Variants in EHBP1 observed in about 807,000 individuals in gnomAD.
EHBP1 encodes the protein EH domain-binding protein 1.
Under a neutral mutation model 144.0 loss-of-function variants are expected in EHBP1, and 55 were observed. The observed-to-expected ratio is 0.38, with a 90% CI of 0.31 to 0.48. The LOEUF (loss-of-function observed/expected upper bound fraction) is 0.48, where lower values mean the gene tolerates loss of function less well. EHBP1 is among the 20% of genes least tolerant of loss of function. The probability of loss-of-function intolerance (pLI) is 0.98; values close to 1 mark genes in which losing one functional copy is unlikely to be tolerated. For missense variants in EHBP1, 1,200 were observed against 1,364.2 expected (o/e 0.88, Z 1.90); for synonymous variants, 469 against 472.7 (o/e 0.99, Z 0.10).
intron 10 of EHBP1, among the ~76,000 whole-genome samples, chr2:62,918,697 T>C (rs2054833077): frequency 6.6e-6 from 1 of 152,208 alleles, no homozygotes; most frequent in Non-Finnish European, 1.5e-5. Flanking sequence ...AAAGCTAAAG[T>C]TGGTTGATTT....
chr2:62,708,736 T>C (rs1460136599), intron 2 of EHBP1, among the ~76,000 whole-genome samples: 1 of 152,096 alleles, frequency 6.6e-6, no homozygotes, highest in Non-Finnish European at 1.5e-5. Context: ...CTGAGCTGGG[T>C]TTTGAAAGAT....
chr2:62,745,328 T>A (rs1208853550), intron 2 of EHBP1, among the ~76,000 whole-genome samples: 1 of 151,380 alleles, frequency 6.6e-6, no homozygotes, highest in African/African-American at 2.4e-5. Context: ...AGAAAATAGG[T>A]GTGTCTAGGT....
intron 19 of EHBP1, among the ~76,000 whole-genome samples, chr2:63,026,921 A>C (rs13004408): frequency 0.028 from 4,243 of 152,350 alleles, 78 homozygotes; most frequent in South Asian, 0.044. Context: ...AGTGAACAGC[A>C]TGAGGGTTTT....
At chr2:62,834,938 G>A (rs997486506) in intron 7 of EHBP1, among the ~76,000 whole-genome samples, 3 of 152,170 alleles carry the variant, frequency 2.0e-5, no homozygotes, top group African/African-American at 7.2e-5. Context: ...AGGGATGACT[G>A]TATATGTATC....
At chr2:62,691,967 G>A (rs186450939) in intron 1 of EHBP1, among the ~76,000 whole-genome samples, 2 of 152,098 alleles carry the variant, frequency 1.3e-5, no homozygotes, top group East Asian at 3.9e-4. Context: ...GTGGTTTTTA[G>A]TATGTTCAGA....
At chr2:62,906,955 G>T (rs1032489081) in intron 10 of EHBP1, among the ~76,000 whole-genome samples, 1 of 152,076 alleles carries the variant, frequency 6.6e-6, no homozygotes, top group Non-Finnish European at 1.5e-5. Context: ...GATTCATCTG[G>T]GTTTCGCATG....
intron 3 of EHBP1, among the ~76,000 whole-genome samples, chr2:62,754,054 A>AG (rs2040023331): frequency 6.6e-6 from 1 of 152,030 alleles, no homozygotes; most frequent in South Asian, 2.1e-4. Flanking sequence ...GTTCCTTTGG[A>AG]GGGGGAGAGG....
chr2:62,761,599 T>A (rs1302108085), intron 3 of EHBP1, among the ~76,000 whole-genome samples: 2 of 152,190 alleles, frequency 1.3e-5, no homozygotes, highest in Non-Finnish European at 2.9e-5. Flanking sequence ...CCCTCAGTTT[T>A]TCAATCTGTT....
At chr2:62,876,497 C>T (rs1041554937) in intron 10 of EHBP1, among the ~76,000 whole-genome samples, 17 of 152,046 alleles carry the variant, frequency 1.1e-4, no homozygotes, top group African/African-American at 4.1e-4. Flanking sequence ...ACATAGAAAC[C>T]AAAGATAATT....
At chr2:62,881,030 A>G (rs913316723) in intron 10 of EHBP1, among the ~76,000 whole-genome samples, 4 of 151,968 alleles carry the variant, frequency 2.6e-5, no homozygotes, top group African/African-American at 9.7e-5. Context: ...AATGTGGTAT[A>G]TATATATACA....
chr2:62,872,549 A>G (rs1323648398), intron 9 of EHBP1, among the ~76,000 whole-genome samples: 1 of 152,172 alleles, frequency 6.6e-6, no homozygotes, highest in Admixed American at 6.5e-5. Context: ...CTATCTCTGT[A>G]CAGCCACTAT....
intron 2 of EHBP1, among the ~76,000 whole-genome samples, chr2:62,722,204 T>C (rs924893969): frequency 6.6e-6 from 1 of 152,126 alleles, no homozygotes; most frequent in African/African-American, 2.4e-5. Context: ...TGATCTTGGC[T>C]CACTGCAACC....
chr2:62,840,762 G>A (rs2047762493), intron 7 of EHBP1, among the ~76,000 whole-genome samples: 1 of 151,622 alleles, frequency 6.6e-6, no homozygotes, highest in Non-Finnish European at 1.5e-5. Flanking sequence ...CTGGCCATCA[G>A]AGAAATGCAA....
chr2:62,718,224 A>T (rs1387350764), intron 2 of EHBP1, among the ~76,000 whole-genome samples: 3 of 152,244 alleles, frequency 2.0e-5, no homozygotes, highest in Non-Finnish European at 4.4e-5. Flanking sequence ...TTAAACCAAG[A>T]GTACCACTTG....
chr2:62,988,383 A>G (rs1428648423), intron 15 of EHBP1, among the ~76,000 whole-genome samples: 1 of 152,120 alleles, frequency 6.6e-6, no homozygotes, highest in African/African-American at 2.4e-5. Context: ...TATATATTCC[A>G]CATGTAAATC....
chr2:62,719,349 A>T (rs2151912755), intron 2 of EHBP1, among the ~76,000 whole-genome samples: 1 of 152,120 alleles, frequency 6.6e-6, no homozygotes, highest in Non-Finnish European at 1.5e-5. Flanking sequence ...TCACTAGTAG[A>T]TCTGCTCATT....
intron 5 of EHBP1, among the ~76,000 whole-genome samples, chr2:62,815,924 G>T (rs1180028218): frequency 6.6e-6 from 1 of 152,176 alleles, no homozygotes; most frequent in East Asian, 1.9e-4. Flanking sequence ...CTGGATAAAA[G>T]ATTCATTCAG....
intron 2 of EHBP1, among the ~76,000 whole-genome samples, chr2:62,740,517 A>T (rs1186753430): frequency 6.6e-6 from 1 of 152,190 alleles, no homozygotes; most frequent in African/African-American, 2.4e-5. Context: ...TATTTCTGTG[A>T]TAAGACAATC....
At chr2:63,041,925 G>T (rs2061675456) in intron 21 of EHBP1, among the ~76,000 whole-genome samples, 1 of 152,088 alleles carries the variant, frequency 6.6e-6, no homozygotes, top group South Asian at 2.1e-4. Context: ...CTTTTTTCAA[G>T]GTAATTATCA....
Sources: allele counts gnomAD v4.1 joint callset (sites outside exome capture counted in the v4.1 genomes callset), GRCh38; gene constraint gnomAD v4.1.1; transcripts MANE v1.5; gene names NCBI Gene and HGNC (gene_info 2026-07-23, HGNC 2026-07-21).